Variants in HNRNPA1L2 observed in about 807,000 individuals in gnomAD.
HNRNPA1L2 encodes heterogeneous nuclear ribonucleoprotein A1-like 2.
HNRNPA1L2 carries 10 observed loss-of-function variants against 18.2 expected under a neutral mutation model. That is an observed-to-expected ratio of 0.55 (90% CI 0.34 to 0.93). HNRNPA1L2 has a LOEUF of 0.93. Ranked by LOEUF, HNRNPA1L2 falls within the 40% of genes least tolerant of loss-of-function variation. The pLI, the probability that HNRNPA1L2 is intolerant of heterozygous loss-of-function variation, is 0.02. For synonymous variants in HNRNPA1L2, 124 were observed against 138.6 expected (o/e 0.89, Z 0.74); for missense variants, 308 against 394.4 (o/e 0.78, Z 1.85).
Position 52,642,993 on chromosome 13 carries a change from C to G in HNRNPA1L2, c.501C>G (p.Tyr167Ter), listed in dbSNP as rs1482781942. The G allele has an allele frequency of 6.3e-7, 1 of 1,597,448 alleles. No homozygotes were observed. The highest frequency in any genetic ancestry group is 1.1e-5 in the South Asian group (1 of 90,982). Reference sequence around the variant, plus strand: ...TGGATAAGATTGTCATTCAGAAATACCATACTGTGAAGGGCCACAACTGTG... The same window carrying G: ...TGGATAAGATTGTCATTCAGAAATAGCATACTGTGAAGGGCCACAACTGTG... Reference protein sequence around the residue: ...DSVDKIVIQKYHTVKGHNCEV... With the variant: ...DSVDKIVIQK The change falls in exon 1 of 1, where the codon TAC becomes TAG. Residue 167 changes from tyrosine to a stop codon, truncating the protein, a stop_gained. Coordinates refer to ENST00000357495, the MANE Select transcript of HNRNPA1L2 (RefSeq NM_001389320.1). LOFTEE classifies it high-confidence loss of function.
At chr13:52,642,415 T>G (rs928342522), upstream of HNRNPA1L2, 5 of 1,561,830 alleles carry the variant, frequency 3.2e-6, no homozygotes, top group African/African-American at 4.1e-5. Context: ...GCTTCATATC[T>G]AAGATCTCTG....
chr13:52,633,083 T>C, the HNRNPA1L2 span, among the ~76,000 whole-genome samples: 1 of 152,202 alleles, frequency 6.6e-6, no homozygotes, highest in Admixed American at 6.5e-5. Context: ...GGGAGGTGAG[T>C]ACTACTGATT....
At chr13:52,619,649 T>C in the HNRNPA1L2 span, among the ~76,000 whole-genome samples, 70,246 of 150,638 alleles carry the variant, frequency 0.47, 16,469 homozygotes, top group Admixed American at 0.52. Flanking sequence ...AGGCTGGGCG[T>C]GGTGGCTCAC....
chr13:52,635,742 CT>C, the HNRNPA1L2 span, among the ~76,000 whole-genome samples: 1 of 151,786 alleles, frequency 6.6e-6, no homozygotes, highest in African/African-American at 2.4e-5. Flanking sequence ...TTTCACTCAG[CT>C]AATGATTTGA....
At chr13:52,629,299 A>T in the HNRNPA1L2 span, 1 of 212,688 alleles carries the variant, frequency 4.7e-6, no homozygotes. Flanking sequence ...CATCAGATTC[A>T]GTTTGACCAA....
the HNRNPA1L2 span, among the ~76,000 whole-genome samples, chr13:52,624,306 G>T: frequency 2.0e-5 from 3 of 152,172 alleles, no homozygotes; most frequent in African/African-American, 4.8e-5. Context: ...TAGAGATGGG[G>T]TTTCACCATG....
chr13:52,642,364 C>A, upstream of HNRNPA1L2: 2 of 1,267,612 alleles, frequency 1.6e-6, no homozygotes, highest in Non-Finnish European at 2.2e-6. Context: ...ATTTATTTCC[C>A]AAAGAGAATC....
chr13:52,623,441 C>T, the HNRNPA1L2 span, among the ~76,000 whole-genome samples: 5 of 152,052 alleles, frequency 3.3e-5, no homozygotes, highest in African/African-American at 9.7e-5. Context: ...TCCACTTAAA[C>T]CAAAATTGAA....
chr13:52,639,263 A>G (rs1191023887), upstream of HNRNPA1L2, among the ~76,000 whole-genome samples: 1 of 152,198 alleles, frequency 6.6e-6, no homozygotes, highest in African/African-American at 2.4e-5. Flanking sequence ...TTTGTGTTAG[A>G]TGATTTTGCC....
chr13:52,630,338 A>C, the HNRNPA1L2 span, among the ~76,000 whole-genome samples: 1 of 152,140 alleles, frequency 6.6e-6, no homozygotes, highest in Non-Finnish European at 1.5e-5. Flanking sequence ...GTGAAGTGGC[A>C]CCATCTTGGC....
At chr13:52,637,635 A>G (rs906843965), upstream of HNRNPA1L2, among the ~76,000 whole-genome samples, 7 of 152,180 alleles carry the variant, frequency 4.6e-5, no homozygotes, top group African/African-American at 1.7e-4. Flanking sequence ...TCAAAAACCA[A>G]ATTTTGAATA....
At position 52,643,065 on chromosome 13, in the gene HNRNPA1L2, C is replaced by T; in HGVS notation, c.573C>T (p.Ser191=). Residue 191 remains serine, a synonymous_variant, in exon 1 of 1, where the codon TCC becomes TCT. Transcript: ENST00000357495. ...AGCAAGAGATGGCTAGTGCTTCATCCAGCCAAAGAGGTCGAAGGGGTTCTG... is the reference window on the plus strand; with the variant it reads ...AGCAAGAGATGGCTAGTGCTTCATCTAGCCAAAGAGGTCGAAGGGGTTCTG... ...LPKQEMASAS[S]SQRGRRGSGN... 1 of 1,597,568 alleles carries T rather than the reference C, an allele frequency of 6.3e-7. No individual in the cohort carries two copies. Among genetic ancestry groups the T allele is most frequent in the African/African-American group, 1.3e-5 (1 of 74,922 alleles).
chr13:52,629,899 C>T, the HNRNPA1L2 span, among the ~76,000 whole-genome samples: 1 of 152,138 alleles, frequency 6.6e-6, no homozygotes, highest in East Asian at 1.9e-4. Context: ...ACCAACCTGG[C>T]TAACATGGTG....
Position 52,643,095 on chromosome 13 carries a change from C to G in HNRNPA1L2, c.603C>G (p.Asn201Lys). 1.3e-6 allele frequency: 2 copies of G among 1,597,688 alleles called. No homozygotes were observed. Among genetic ancestry groups the G allele is most frequent in the East Asian group, 2.2e-5 (1 of 44,872 alleles). The change falls in exon 1 of 1, where the codon AAC becomes AAG. Residue 201 changes from asparagine to lysine, a missense_variant. Transcript: ENST00000357495. ...AAAGAGGTCGAAGGGGTTCTGGAAA[C>G]TTTGGTGGTGGTCGTGGAGATGGTT... ...SSQRGRRGSG[N>K]FGGGRGDGFG...
chr13:52,642,972 T>C lies in HNRNPA1L2; in HGVS notation c.480T>C (p.Asp160=). ...CCTTTGACGACCATGACTCCGTGGATAAGATTGTCATTCAGAAATACCATA... is the reference window on the plus strand; with the variant it reads ...CCTTTGACGACCATGACTCCGTGGACAAGATTGTCATTCAGAAATACCATA... ...FVTFDDHDSV[D]KIVIQKYHTV... The change falls in exon 1 of 1, where the codon GAT becomes GAC. Residue 160 remains aspartate, a synonymous_variant. Coordinates refer to ENST00000357495, the MANE Select transcript of HNRNPA1L2 (RefSeq NM_001389320.1). The C allele has an allele frequency of 6.3e-7, 1 of 1,597,320 alleles. No homozygotes were observed. The highest frequency in any genetic ancestry group is 8.5e-7 in the Non-Finnish European group (1 of 1,179,810).
At chr13:52,631,868 G>A in the HNRNPA1L2 span, among the ~76,000 whole-genome samples, 1 of 152,124 alleles carries the variant, frequency 6.6e-6, no homozygotes, top group Non-Finnish European at 1.5e-5. Context: ...TGTAAAGAAA[G>A]TTAATTATTT....
upstream of HNRNPA1L2, among the ~76,000 whole-genome samples, chr13:52,638,698 A>G (rs182264054): frequency 1.4e-4 from 22 of 152,362 alleles, no homozygotes; most frequent in East Asian, 4.1e-3. Context: ...GGAAGATTTC[A>G]TTCTAAGTAA....
At chr13:52,640,529 C>T (rs529164880), upstream of HNRNPA1L2, among the ~76,000 whole-genome samples, 1 of 152,300 alleles carries the variant, frequency 6.6e-6, no homozygotes, top group Admixed American at 6.5e-5. Context: ...CTGGCCCCAA[C>T]CTGTCATTTT....
At chr13:52,633,520 T>C in the HNRNPA1L2 span, among the ~76,000 whole-genome samples, 1 of 152,180 alleles carries the variant, frequency 6.6e-6, no homozygotes, top group Non-Finnish European at 1.5e-5. Flanking sequence ...TTCTGACGAA[T>C]AGAAGTTAGT....
Sources: allele counts gnomAD v4.1 joint callset (sites outside exome capture counted in the v4.1 genomes callset), GRCh38; gene constraint gnomAD v4.1.1; transcripts MANE v1.5; gene names NCBI Gene and HGNC (gene_info 2026-07-23, HGNC 2026-07-21).